PDZD2: variants seen among roughly 807,000 people sequenced by gnomAD.
PDZD2 encodes the protein PDZ domain-containing protein 2.
A neutral mutation model predicts 220.7 loss-of-function variants in PDZD2; 90 were observed. The ratio of observed to expected loss-of-function variants is 0.41; its 90% CI spans 0.34 to 0.49. The LOEUF (loss-of-function observed/expected upper bound fraction) is 0.49, where lower values mean the gene tolerates loss of function less well. Among genes scored for constraint, PDZD2 ranks in the 20% least tolerant of loss-of-function variants. The pLI, the probability that PDZD2 is intolerant of heterozygous loss-of-function variation, is 0.28. For missense variants in PDZD2, 3,174 were observed against 3,608.5 expected (o/e 0.88, Z 3.08); for synonymous variants, 1,375 against 1,450.5 (o/e 0.95, Z 1.18).
At chr5:31,948,271 A>T (rs938113534) in intron 2 of PDZD2, among the ~76,000 whole-genome samples, 1 of 152,062 alleles carries the variant, frequency 6.6e-6, no homozygotes, top group East Asian at 1.9e-4. Context: ...AAGTCAGAGG[A>T]TGTTTTTTTG....
chr5:32,095,297 C>A (rs1260737546), intron 21 of PDZD2, among the ~76,000 whole-genome samples: 1 of 152,194 alleles, frequency 6.6e-6, no homozygotes, highest in African/African-American at 2.4e-5. Flanking sequence ...CAGAACACGG[C>A]GTTCTTTTCC....
intron 14 of PDZD2, among the ~76,000 whole-genome samples, chr5:32,065,562 G>A (rs1368083212): frequency 1.3e-5 from 2 of 152,210 alleles, no homozygotes; most frequent in African/African-American, 4.8e-5. Context: ...GGATAAATTA[G>A]TGCTATCAAG....
intron 2 of PDZD2, chr5:31,843,827 A>G (rs1300564881): frequency 1.3e-5 from 2 of 152,182 alleles, no homozygotes; most frequent in Non-Finnish European, 1.5e-5. Context: ...CATGTAAACA[A>G]CGTGGCTTTT....
chr5:32,078,119 G>T (rs1337287233), intron 19 of PDZD2, among the ~76,000 whole-genome samples: 1 of 152,008 alleles, frequency 6.6e-6, no homozygotes, highest in Non-Finnish European at 1.5e-5. Context: ...TTTTCAGTCA[G>T]TTGACCCTTT....
At chr5:31,950,668 C>T (rs1029732944) in intron 2 of PDZD2, among the ~76,000 whole-genome samples, 4 of 152,084 alleles carry the variant, frequency 2.6e-5, no homozygotes, top group Admixed American at 2.6e-4. Flanking sequence ...TTAGTTGTAC[C>T]AGTCTGTAAA....
chr5:31,643,985 G>T (rs1054766664), intron 1 of PDZD2, among the ~76,000 whole-genome samples: 1 of 151,716 alleles, frequency 6.6e-6, no homozygotes, highest in African/African-American at 2.4e-5. Flanking sequence ...ACCGCACCTG[G>T]CTAATTTATT....
intron 2 of PDZD2, among the ~76,000 whole-genome samples, chr5:31,866,289 G>A (rs914507219): frequency 1.3e-5 from 2 of 152,056 alleles, no homozygotes; most frequent in East Asian, 1.9e-4. Context: ...ATGAGCCACC[G>A]CACCCAGCCT....
chr5:31,887,445 A>G (rs552825337), intron 2 of PDZD2, among the ~76,000 whole-genome samples: 2 of 152,296 alleles, frequency 1.3e-5, no homozygotes, highest in Non-Finnish European at 2.9e-5. Flanking sequence ...GTGCACTTTC[A>G]TCCACAGGCT....
intron 19 of PDZD2, among the ~76,000 whole-genome samples, chr5:32,084,641 A>G (rs2112450412): frequency 6.6e-6 from 1 of 152,300 alleles, no homozygotes; most frequent in East Asian, 1.9e-4. Context: ...GTTTGACTTA[A>G]TTCTCAAACC....
intron 2 of PDZD2, among the ~76,000 whole-genome samples, chr5:31,884,527 T>G (rs956291922): frequency 6.6e-6 from 1 of 152,146 alleles, no homozygotes; most frequent in Non-Finnish European, 1.5e-5. Context: ...GTCTGCTGTT[T>G]GGGATTCCAC....
At chr5:32,079,849 A>G (rs970806751) in intron 19 of PDZD2, among the ~76,000 whole-genome samples, 1 of 151,910 alleles carries the variant, frequency 6.6e-6, no homozygotes, top group Non-Finnish European at 1.5e-5. Flanking sequence ...CAGAATATCT[A>G]TCCCATACCC....
At chr5:32,072,723 T>G (rs1740876329) in intron 17 of PDZD2, among the ~76,000 whole-genome samples, 1 of 152,198 alleles carries the variant, frequency 6.6e-6, no homozygotes, top group Admixed American at 6.5e-5. Context: ...GAGTTTACTC[T>G]TGGAAAATGC....
intron 7 of PDZD2, among the ~76,000 whole-genome samples, chr5:32,045,252 A>C (rs993663540): frequency 6.6e-5 from 10 of 152,228 alleles, no homozygotes; most frequent in Non-Finnish European, 1.3e-4. Context: ...GGTTTTGCCC[A>C]GACTGGCTCC....
chr5:32,057,684 C>A lies in PDZD2; in HGVS notation c.1930C>A (p.Pro644Thr). 6.3e-7 allele frequency: 1 copy of A among 1,592,948 alleles called. No homozygotes were observed. The highest frequency in any genetic ancestry group is 8.6e-7 in the Non-Finnish European group (1 of 1,161,944). The change falls in exon 11 of 25, where the codon CCA becomes ACA. Residue 644 changes from proline (P) to threonine (T), a missense_variant. Physicochemically the swap from Pro to Thr is conservative, Grantham distance 38 (BLOSUM62 -1). This residue lies in a region of PDZD2 where 1,861 missense variants were observed against 2,001.0 expected (regional missense o/e 0.93). Coordinates refer to ENST00000438447, the MANE Select transcript of PDZD2 (RefSeq NM_178140.4). The part of the protein sequence containing the change: ...GDEILDVNGI[P>T]IKGLTFQEAI... ...TGAAATCCTAGATGTAAATGGAATA[C>A]CAATAAAGGGCTTGACATTTCAAGA...
At chr5:31,809,345 T>C (rs1754944683) in intron 2 of PDZD2, among the ~76,000 whole-genome samples, 1 of 152,222 alleles carries the variant, frequency 6.6e-6, no homozygotes, top group Non-Finnish European at 1.5e-5. Flanking sequence ...CGCCGTGCTG[T>C]TTGGCTGATG....
At chr5:31,992,458 A>G (rs1278360194) in intron 3 of PDZD2, among the ~76,000 whole-genome samples, 1 of 151,940 alleles carries the variant, frequency 6.6e-6, no homozygotes, top group Non-Finnish European at 1.5e-5. Context: ...TATACATTTG[A>G]GCTGATATTG....
intron 1 of PDZD2, among the ~76,000 whole-genome samples, chr5:31,768,773 A>G (rs571462711): frequency 6.8e-4 from 103 of 152,262 alleles, no homozygotes; most frequent in Non-Finnish European, 1.2e-3. Flanking sequence ...ATTGCACCAG[A>G]GATTTCTAGC....
intron 2 of PDZD2, among the ~76,000 whole-genome samples, chr5:31,972,134 T>C (rs1211763673): frequency 1.3e-5 from 2 of 152,142 alleles, no homozygotes; most frequent in African/African-American, 4.8e-5. Flanking sequence ...AGTGTTTCGT[T>C]GAGGGTTTCA....
chr5:31,898,800 C>G (rs1379703940), intron 2 of PDZD2, among the ~76,000 whole-genome samples: 1 of 147,106 alleles, frequency 6.8e-6, no homozygotes, highest in Non-Finnish European at 1.5e-5. Flanking sequence ...ATAGATGGAG[C>G]CTCTCTTCTT....
Sources: allele counts gnomAD v4.1 joint callset (sites outside exome capture counted in the v4.1 genomes callset), GRCh38; gene constraint gnomAD v4.1.1; regional missense constraint gnomAD v4.1.1; transcripts MANE v1.5; gene names NCBI Gene and HGNC (gene_info 2026-07-23, HGNC 2026-07-21).